LTBP2: variants seen among roughly 807,000 people sequenced by gnomAD.
LTBP2 encodes latent transforming growth factor beta binding protein 2.
In LTBP2, 103 loss-of-function variants were observed where a neutral mutation model predicts 210.6. That is an observed-to-expected ratio of 0.49 (90% CI 0.42 to 0.58). LTBP2 has a LOEUF of 0.58. LTBP2 is among the 20% of genes least tolerant of loss of function. The pLI is 0.00. For synonymous variants in LTBP2, 1,007 were observed against 1,015.0 expected, an observed-to-expected ratio of 0.99 and a Z score of 0.15; for missense variants, 2,313 against 2,494.5, an observed-to-expected ratio of 0.93 and a Z score of 1.55.
intron 5 of LTBP2, 67 bp from the exon 6 acceptor site, chr14:74,552,460 C>G: frequency 6.9e-7 from 1 of 1,452,824 alleles, no homozygotes; most frequent in Non-Finnish European, 9.5e-7. Context: ...TGGCTGGTGA[C>G]CACCACAGAG....
At chr14:74,537,264 G>T (rs148576156) in intron 8 of LTBP2, among the ~76,000 whole-genome samples, 105 of 152,146 alleles carry the variant, frequency 6.9e-4, no homozygotes, top group African/African-American at 2.4e-3. Flanking sequence ...AAAAGCTCTA[G>T]CAGGAGGCAT....
chr14:74,562,187 G>A (rs2087802653), intron 3 of LTBP2, among the ~76,000 whole-genome samples: 1 of 151,732 alleles, frequency 6.6e-6, no homozygotes, highest in South Asian at 2.1e-4. Flanking sequence ...TCCAGCCTGG[G>A]TGACAAGAGT....
rs112510016 is a variant in LTBP2, at chr14:74,550,244, C to G, written c.1687-279G>C. Among the ~76,000 whole-genome samples, 4 of 152,280 alleles carry G rather than the reference C, an allele frequency of 2.6e-5. No homozygotes were observed. In the South Asian group the frequency reaches 8.3e-4, roughly 32 times the overall value. ...GCTGCAAACCACCACCCTCCATGGC[C>G]CCAACCACAGACAAAGGGTCCTAAA... On this transcript the variant is annotated intron_variant, in intron 7 of 35. Coordinates refer to ENST00000261978, the MANE Select transcript of LTBP2 (RefSeq NM_000428.3).
intron 3 of LTBP2, among the ~76,000 whole-genome samples, chr14:74,560,283 T>C (rs745416092): frequency 3.2e-4 from 48 of 152,154 alleles, no homozygotes; most frequent in Non-Finnish European, 2.9e-5. Flanking sequence ...TCTCACCAAA[T>C]GACTTTATTT....
At chr14:74,507,045 T>C (rs1169092579) in intron 26 of LTBP2, 134 bp downstream of exon 26, 2 of 1,561,044 alleles carry the variant, frequency 1.3e-6, no homozygotes, top group East Asian at 2.3e-5. Flanking sequence ...TCATAAGCTC[T>C]GCTGGATGGA....
chr14:74,504,973 G>A lies in LTBP2; in HGVS notation c.4369+10C>T. The A allele has an allele frequency of 6.2e-7, 1 of 1,614,162 alleles. No individual in the cohort carries two copies. The highest frequency in any genetic ancestry group is 1.1e-5 in the South Asian group (1 of 91,086). ...GACCCTTCGAGGATCTGGAACCCTT[G>A]GGGTCTTACCTGAGTCCTCAGACGG... On this transcript the variant is annotated intron_variant, in intron 29 of 35. Transcript: ENST00000261978.
intron 3 of LTBP2, among the ~76,000 whole-genome samples, chr14:74,570,105 G>A (rs566301415): frequency 6.6e-6 from 1 of 152,180 alleles, no homozygotes; most frequent in East Asian, 1.9e-4. Flanking sequence ...TTGGAGGAGG[G>A]GCTGGAGGAA....
Position 74,500,461 on chromosome 14 carries a change from C to T in LTBP2, c.*423G>A. On this transcript the variant is annotated 3_prime_UTR_variant, in exon 36 of 36. Transcript: ENST00000261978. ...GCTCCACAGATTCTGAAGGACCTCC[C>T]TAGGGCAGATGTAGCCTCTGTCCCA... 3 of 411,316 alleles carry T rather than the reference C, an allele frequency of 7.3e-6. No individual in the cohort carries two copies. The highest frequency in any genetic ancestry group is 5.0e-5 in the South Asian group (2 of 40,102). 25.5% of individuals were successfully genotyped at this position (411,316 alleles called of 1,614,324 possible).
At chr14:74,596,305 G>T (rs987981634) in intron 2 of LTBP2, among the ~76,000 whole-genome samples, 1 of 152,148 alleles carries the variant, frequency 6.6e-6, no homozygotes, top group African/African-American at 2.4e-5. Flanking sequence ...TGGTACGTGA[G>T]GGATGGAGGA....
intron 8 of LTBP2, among the ~76,000 whole-genome samples, chr14:74,541,004 G>A (rs952323482): frequency 2.1e-5 from 3 of 145,894 alleles, no homozygotes; most frequent in African/African-American, 5.1e-5. Context: ...TGGAAGTTTA[G>A]ATGGCCATAT....
At chr14:74,551,787 C>T (rs557857960) in intron 6 of LTBP2, among the ~76,000 whole-genome samples, 2 of 152,360 alleles carry the variant, frequency 1.3e-5, no homozygotes, top group African/African-American at 4.8e-5. Flanking sequence ...CTCTCCATCC[C>T]CTGATCCCCT....
chr14:74,601,338 G>T (rs1330064796), intron 2 of LTBP2, among the ~76,000 whole-genome samples: 11 of 152,094 alleles, frequency 7.2e-5, no homozygotes. Context: ...TTGAGGCCAG[G>T]AGTTCGAGAC....
intron 2 of LTBP2, among the ~76,000 whole-genome samples, chr14:74,594,307 AG>A (rs1368319855): frequency 6.6e-6 from 1 of 152,092 alleles, no homozygotes; most frequent in African/African-American, 2.4e-5. Context: ...TAGATAGAGG[AG>A]GCACCAACTT....
intron 14 of LTBP2, 107 bp downstream of exon 14, chr14:74,525,968 T>G: frequency 1.7e-6 from 2 of 1,161,096 alleles, no homozygotes; most frequent in Non-Finnish European, 2.5e-6. Context: ...CCTCCTCTGA[T>G]GTGTGTGTGA....
chr14:74,502,668 C>T lies in LTBP2; in HGVS notation c.5155G>A (p.Val1719Met), dbSNP rs189020867. Residue 1719 changes from valine (V) to methionine (M), a missense_variant, in exon 34 of 36, where the codon GTG becomes ATG. Coordinates refer to ENST00000261978, the MANE Select transcript of LTBP2 (RefSeq NM_000428.3). Reference protein sequence around the residue: ...LQPSELQPHYVASHPEPPAGF... With the variant: ...LQPSELQPHYMASHPEPPAGF... ...CAACACAGACCTGGATGGCTGGCCA[C>T]GTAGTGGGGCTGGAGTTCTGAGGGC... The T allele has an allele frequency of 4.5e-5, 72 of 1,614,126 alleles. 1 individual carries two copies. In the Middle Eastern group the frequency reaches 8.2e-4, roughly 18 times the overall value.
chr14:74,502,921 C>A lies in LTBP2; in HGVS notation c.4902G>T (p.Gln1634His), dbSNP rs1337754630. 1 of 1,611,990 alleles carries A rather than the reference C, an allele frequency of 6.2e-7. No homozygotes were observed. Among genetic ancestry groups the A allele is most frequent in the African/African-American group, 1.3e-5 (1 of 74,888 alleles). ...CPPRSSEVYAQLCNVARIEAE... is the reference protein window; with the variant it reads ...CPPRSSEVYAHLCNVARIEAE... The stretch of plus-strand genomic sequence containing the variant: ...CCTCAATGCGAGCCACGTTGCACAG[C>A]TGAGCATAGACCTCTGTCAGGGAGG... The change falls in exon 34 of 36, where the codon CAG (glutamine) becomes CAT (histidine). Residue 1634 changes from glutamine (Q) to histidine (H), a missense_variant. Coordinates refer to ENST00000261978, the MANE Select transcript of LTBP2 (RefSeq NM_000428.3).
chr14:74,603,595 T>C, intron 2 of LTBP2, 40 bp downstream of exon 2: 1 of 1,608,490 alleles, frequency 6.2e-7, no homozygotes, highest in Non-Finnish European at 8.5e-7. Context: ...CACTTCACGT[T>C]TGATAGAGCG....
Position 74,611,875 on chromosome 14 carries a change from G to A in LTBP2, c.70C>T (p.Leu24Phe), listed in dbSNP as rs760538376. 1.4e-5 allele frequency: 22 copies of A among 1,608,490 alleles called. No individual in the cohort carries two copies. Among genetic ancestry groups the A allele is most frequent in the Non-Finnish European group, 1.8e-5 (21 of 1,179,106 alleles). ...GCGCCCACGAAGAGAGCCAGGGTGA[G>A]CGGCAGGAAGCCTCTCCAGGGGTTC... ...LRNPWRGFLP[L>F]TLALFVGAGH... The change falls in exon 1 of 36, where the codon CTC becomes TTC. Residue 24 changes from leucine (L) to phenylalanine (F), a missense_variant. Around this residue, in one of 3 missense-constraint regions of LTBP2, gnomAD observed 1,867 missense variants for 1,976.9 expected, o/e 0.94. Transcript: ENST00000261978.
intron 8 of LTBP2, among the ~76,000 whole-genome samples, chr14:74,537,234 C>T (rs1047894598): frequency 6.6e-6 from 1 of 151,584 alleles, no homozygotes; most frequent in Admixed American, 6.6e-5. Context: ...GAGGAACAGA[C>T]TAGTGTGCCA....
Sources: gnomAD v4.1 joint callset for allele counts (sites outside exome capture counted in the v4.1 genomes callset) on GRCh38, gnomAD v4.1.1 for gene constraint, gnomAD v4.1.1 regional missense constraint, MANE v1.5 for transcripts, NCBI Gene and HGNC (gene_info 2026-07-23, HGNC 2026-07-21) for gene names.